CSTPP1: variants seen among roughly 807,000 people sequenced by gnomAD.
CSTPP1 encodes the protein centriolar satellite-associated tubulin polyglutamylase complex regulator 1.
chr11:47,065,847 A>C, the CSTPP1 span, among the ~76,000 whole-genome samples: 1 of 152,006 alleles, frequency 6.6e-6, no homozygotes, highest in Admixed American at 6.6e-5. Context: ...GGGTTCGAGC[A>C]ATTCACCTGC....
At chr11:47,015,384 G>A in the CSTPP1 span, among the ~76,000 whole-genome samples, 1 of 152,066 alleles carries the variant, frequency 6.6e-6, no homozygotes, top group Admixed American at 6.6e-5. Flanking sequence ...TGAGGCAGGA[G>A]AATCACTTGA....
At chr11:47,157,384 G>A in the CSTPP1 span, among the ~76,000 whole-genome samples, 9 of 152,182 alleles carry the variant, frequency 5.9e-5, no homozygotes, top group African/African-American at 1.9e-4. Flanking sequence ...TTGACTGAAA[G>A]GCTCTCAATT....
the CSTPP1 span, among the ~76,000 whole-genome samples, chr11:47,122,091 A>AAATATATATATATATATATATATATAT: frequency 3.1e-5 from 1 of 31,836 alleles, no homozygotes; most frequent in Non-Finnish European, 6.4e-5. Flanking sequence ...AAAAAAAAAA[A>AAATATATATATATATATATATATATAT]ATATATATAT....
the CSTPP1 span, among the ~76,000 whole-genome samples, chr11:47,060,915 G>A: frequency 2.0e-5 from 3 of 152,292 alleles, no homozygotes; most frequent in Non-Finnish European, 2.9e-5. Flanking sequence ...GCATAGACCC[G>A]TTAGGAGACT....
the CSTPP1 span, among the ~76,000 whole-genome samples, chr11:47,139,868 A>C: frequency 6.6e-6 from 1 of 152,184 alleles, no homozygotes; most frequent in Non-Finnish European, 1.5e-5. Context: ...GATCGGGAGC[A>C]CAAGGAGTCT....
chr11:47,110,169 C>T, the CSTPP1 span, among the ~76,000 whole-genome samples: 1 of 152,130 alleles, frequency 6.6e-6, no homozygotes, highest in Admixed American at 6.5e-5. Flanking sequence ...TCTCTGTCTC[C>T]CCAACCACTG....
chr11:47,114,180 G>C, the CSTPP1 span, among the ~76,000 whole-genome samples: 1 of 152,086 alleles, frequency 6.6e-6, no homozygotes, highest in Non-Finnish European at 1.5e-5. Flanking sequence ...TTATTTCTGA[G>C]GCCTCTGTTC....
the CSTPP1 span, among the ~76,000 whole-genome samples, chr11:47,093,971 T>C: frequency 6.6e-6 from 1 of 152,354 alleles, no homozygotes; most frequent in South Asian, 2.1e-4. Context: ...ATGGAATACA[T>C]GCTTACTGGT....
the CSTPP1 span, among the ~76,000 whole-genome samples, chr11:47,122,428 G>T: frequency 3.5e-4 from 53 of 152,140 alleles, no homozygotes; most frequent in Middle Eastern, 6.8e-3. Flanking sequence ...ATGGAAACAG[G>T]TTTCTGAAGG....
the CSTPP1 span, among the ~76,000 whole-genome samples, chr11:47,117,865 TG>T: frequency 6.8e-6 from 1 of 146,684 alleles, no homozygotes; most frequent in Non-Finnish European, 1.5e-5. Context: ...GTCTTCTCGC[TG>T]TATTTCTTTT....
chr11:47,076,035 A>T, the CSTPP1 span, among the ~76,000 whole-genome samples: 6 of 151,114 alleles, frequency 4.0e-5, no homozygotes, highest in East Asian at 7.8e-4. Context: ...CATTATGAGG[A>T]GCAATTAGAT....
At chr11:47,000,356 G>A in the CSTPP1 span, among the ~76,000 whole-genome samples, 1 of 152,172 alleles carries the variant, frequency 6.6e-6, no homozygotes, top group African/African-American at 2.4e-5. Context: ...TCAGAATTGG[G>A]AACCATTCTT....
the CSTPP1 span, among the ~76,000 whole-genome samples, chr11:46,948,705 A>G: frequency 1.3e-5 from 2 of 152,224 alleles, no homozygotes; most frequent in Non-Finnish European, 2.9e-5. Context: ...TGGTGCACAG[A>G]CAGTAAACAA....
chr11:47,160,105 C>A, the CSTPP1 span: 1 of 181,234 alleles, frequency 5.5e-6, no homozygotes, highest in Non-Finnish European at 1.2e-5. Flanking sequence ...AGTTAATGAC[C>A]AGCCTGGGCA....
chr11:47,108,873 ATTT>A, the CSTPP1 span, among the ~76,000 whole-genome samples: 2 of 151,802 alleles, frequency 1.3e-5, no homozygotes, highest in Non-Finnish European at 2.9e-5. Flanking sequence ...TGCCTGACTA[ATTT>A]TTGTATTTTT....
the CSTPP1 span, among the ~76,000 whole-genome samples, chr11:47,068,415 G>A: frequency 6.6e-6 from 1 of 151,950 alleles, no homozygotes; most frequent in African/African-American, 2.4e-5. Context: ...GCCTGTAATT[G>A]CAGCTACTCA....
chr11:47,017,173 ATTT>A, the CSTPP1 span, among the ~76,000 whole-genome samples: 7 of 82,214 alleles, frequency 8.5e-5, no homozygotes, highest in Admixed American at 1.3e-4. Context: ...AATTCTATGA[ATTT>A]TTTTTTTTTT....
chr11:47,142,454 G>A, the CSTPP1 span, among the ~76,000 whole-genome samples: 2 of 151,900 alleles, frequency 1.3e-5, no homozygotes, highest in African/African-American at 4.8e-5. Flanking sequence ...TTTTGTGCCG[G>A]GAGCTATTCT....
At chr11:46,960,807 G>A in the CSTPP1 span, among the ~76,000 whole-genome samples, 1 of 152,084 alleles carries the variant, frequency 6.6e-6, no homozygotes, top group South Asian at 2.1e-4. Context: ...AGCCAAGATC[G>A]TGCCACTGCA....
Sources: allele counts gnomAD v4.1 joint callset (sites outside exome capture counted in the v4.1 genomes callset), GRCh38; gene constraint gnomAD v4.1.1; transcripts MANE v1.5; gene names NCBI Gene and HGNC (gene_info 2026-07-23, HGNC 2026-07-21).